LARP4B: variants seen among roughly 807,000 people sequenced by gnomAD.
LARP4B encodes the protein La ribonucleoprotein 4B, also known as la-related protein 4B.
LARP4B carries 12 observed loss-of-function variants against 89.8 expected under a neutral mutation model. The ratio of observed to expected loss-of-function variants is 0.13; its 90% CI spans 0.09 to 0.22. The LOEUF is 0.22. Ranked by LOEUF, LARP4B falls within the 10% of genes least tolerant of loss-of-function variation. LARP4B has a pLI of 1.00. For synonymous variants in LARP4B, 367 were observed against 363.3 expected (o/e 1.01, Z -0.12); for missense variants, 757 against 947.7 (o/e 0.80, Z 2.64).
At chr10:978,035 A>C in the LARP4B span, among the ~76,000 whole-genome samples, 1 of 152,190 alleles carries the variant, frequency 6.6e-6, no homozygotes, top group Non-Finnish European at 1.5e-5. Flanking sequence ...TACAAACAGA[A>C]TAATGGGGCT....
At chr10:939,085 T>A in the LARP4B span, among the ~76,000 whole-genome samples, 17 of 152,240 alleles carry the variant, frequency 1.1e-4, no homozygotes, top group Admixed American at 7.9e-4. Context: ...TGAAGGATTT[T>A]AATTCGTCAT....
intron 8 of LARP4B, among the ~76,000 whole-genome samples, chr10:831,511 G>A (rs1287158630): frequency 1.3e-5 from 2 of 152,226 alleles, no homozygotes; most frequent in African/African-American, 4.8e-5. Context: ...AGAGCCGGCA[G>A]GGTAAGCCTG....
the LARP4B span, chr10:972,670 T>C: frequency 2.2e-6 from 1 of 457,178 alleles, no homozygotes; most frequent in African/African-American, 2.0e-5. Flanking sequence ...TGGTATGAAG[T>C]ATGCACTTGC....
At chr10:922,666 C>A (rs926978671) in intron 1 of LARP4B, among the ~76,000 whole-genome samples, 4 of 146,846 alleles carry the variant, frequency 2.7e-5, no homozygotes, top group Non-Finnish European at 6.0e-5. Flanking sequence ...CAGAACGAGA[C>A]CCCGTCTGTT....
intron 13 of LARP4B, among the ~76,000 whole-genome samples, chr10:821,209 G>A (rs1046200832): frequency 6.6e-6 from 1 of 152,194 alleles, no homozygotes; most frequent in East Asian, 1.9e-4. Context: ...TCAATGAGTT[G>A]TTTAAAATGG....
Position 812,588 on chromosome 10 carries a change from C to A in LARP4B, c.*338G>T. The A allele has an allele frequency of 5.8e-6, 1 of 173,680 alleles. No homozygotes were observed. The highest frequency in any genetic ancestry group is 6.3e-5 in the Admixed American group (1 of 15,756). The allele number at this position is 173,680 out of a possible 1,614,324, so 10.8% of individuals were successfully genotyped here. A position where few individuals can be genotyped will look rare whatever the true frequency, so the allele number is the denominator to read the frequency against. ...AGTTCCCTTAATTTAGAAAAACTCA[C>A]TATATATAGCTTGCATTCAGAGCCA... On this transcript the variant is annotated 3_prime_UTR_variant, in exon 18 of 18. Transcript: ENST00000316157.
At chr10:934,126 C>G, upstream of LARP4B, among the ~76,000 whole-genome samples, 1 of 152,034 alleles carries the variant, frequency 6.6e-6, no homozygotes, top group East Asian at 1.9e-4. Flanking sequence ...GCCACCGTTC[C>G]CGGCTGGTAG....
intron 1 of LARP4B, among the ~76,000 whole-genome samples, chr10:931,040 C>T (rs1268557433): frequency 1.3e-5 from 2 of 151,198 alleles, no homozygotes; most frequent in Admixed American, 1.3e-4. Flanking sequence ...ACCCTGACCC[C>T]GGCCCGGTCT....
the LARP4B span, among the ~76,000 whole-genome samples, chr10:981,948 T>C: frequency 1.3e-5 from 2 of 152,178 alleles, no homozygotes; most frequent in Non-Finnish European, 2.9e-5. Context: ...TTTGTTATTA[T>C]GTGTGGAACA....
the LARP4B span, among the ~76,000 whole-genome samples, chr10:976,678 GAT>G: frequency 1.8e-4 from 24 of 134,304 alleles, no homozygotes; most frequent in South Asian, 2.3e-3. Flanking sequence ...CCTGTCACGT[GAT>G]GTGTGGCCCG....
rs1257844907 is a variant in LARP4B, at chr10:825,102, C to G, written c.1447G>C (p.Gly483Arg). Residue 483 changes from glycine to arginine, a missense_variant, in exon 13 of 18, where the codon GGC becomes CGC. Physicochemically the swap from Gly to Arg is moderately radical, Grantham distance 125 (BLOSUM62 -2). Transcript: ENST00000316157. Reference sequence around the variant, plus strand: ...AAACCAGGAGAGGATTCGAGACTGCCTGGCTCCACACGCCCAGGCCCAGCC... The same window carrying G: ...AAACCAGGAGAGGATTCGAGACTGCGTGGCTCCACACGCCCAGGCCCAGCC... ...REAGPGRVEP[G>R]SLESSPGLGR... 1 of 1,614,256 alleles carries G rather than the reference C, an allele frequency of 6.2e-7. No individual in the cohort carries two copies. Among genetic ancestry groups the G allele is most frequent in the Non-Finnish European group, 8.5e-7 (1 of 1,180,042 alleles).
chr10:873,408 T>C lies in LARP4B; in HGVS notation c.142-9138A>G, dbSNP rs540836995. 4.3e-5 allele frequency: 42 copies of C among 985,360 alleles called. 2 individuals are homozygous for C. In the African/African-American group the frequency reaches 6.6e-4, roughly 16 times the overall value. 61.0% of individuals were successfully genotyped at this position (985,360 alleles called of 1,614,324 possible). On this transcript the variant is annotated intron_variant, in intron 3 of 17. Transcript: ENST00000316157. ...CAGAACAGCAGCAAGAATGCTGCGC[T>C]GTATTTTTTCTTACTCTCATAAACT...
At chr10:842,170 T>C (rs1399571071) in intron 7 of LARP4B, among the ~76,000 whole-genome samples, 1 of 152,126 alleles carries the variant, frequency 6.6e-6, no homozygotes, top group African/African-American at 2.4e-5. Context: ...GTTGCCAAAC[T>C]TCAAAGAAAC....
intron 4 of LARP4B, 76 bp downstream of exon 4, chr10:864,047 A>C (rs1834764470): frequency 3.1e-6 from 5 of 1,593,372 alleles, no homozygotes; most frequent in Non-Finnish European, 4.3e-6. Flanking sequence ...ACAACATCTT[A>C]AAGACAGATT....
At chr10:867,872 A>G (rs541955402) in intron 3 of LARP4B, among the ~76,000 whole-genome samples, 3 of 150,908 alleles carry the variant, frequency 2.0e-5, no homozygotes, top group Admixed American at 6.6e-5. Flanking sequence ...GAAAAAAAAA[A>G]AAAAAAAAAA....
chr10:867,125 T>A (rs142080890), intron 3 of LARP4B, among the ~76,000 whole-genome samples: 4 of 152,228 alleles, frequency 2.6e-5, no homozygotes. Flanking sequence ...TACCTCTTAG[T>A]GAAGAAGTCC....
Position 864,215 on chromosome 10 carries a change from G to T in LARP4B, c.197C>A (p.Pro66His). 6.2e-7 allele frequency: 1 copy of T among 1,614,160 alleles called. No homozygotes were observed. The highest frequency in any genetic ancestry group is 8.5e-7 in the Non-Finnish European group (1 of 1,180,020). ...ACTGCTTGCTTCCAGATGTAACACAGGAGCCCCCCACACTTCTGCATTAGG... is the reference window on the plus strand; with the variant it reads ...ACTGCTTGCTTCCAGATGTAACACATGAGCCCCCCACACTTCTGCATTAGG... ...LNPNAEVWGAPVLHLEASSAA... is the reference protein window; with the variant it reads ...LNPNAEVWGAHVLHLEASSAA... Residue 66 changes from proline (P) to histidine (H), a missense_variant, in exon 4 of 18, where the codon CCT becomes CAT. Coordinates refer to ENST00000316157, the MANE Select transcript of LARP4B (RefSeq NM_015155.3).
chr10:963,257 T>C, the LARP4B span, among the ~76,000 whole-genome samples: 2 of 152,184 alleles, frequency 1.3e-5, no homozygotes, highest in Non-Finnish European at 2.9e-5. Flanking sequence ...TTCATGAAGC[T>C]TGAGTTCCAG....
intron 1 of LARP4B, among the ~76,000 whole-genome samples, chr10:912,815 T>C (rs1203056720): frequency 6.6e-6 from 1 of 151,306 alleles, no homozygotes; most frequent in African/African-American, 2.4e-5. Context: ...GAGGCAGAGG[T>C]TGCAGAGGTC....
Sources: allele counts gnomAD v4.1 joint callset (sites outside exome capture counted in the v4.1 genomes callset), GRCh38; gene constraint gnomAD v4.1.1; transcripts MANE v1.5; gene names NCBI Gene and HGNC (gene_info 2026-07-23, HGNC 2026-07-21).